PIK3C2G: variants seen among roughly 807,000 people sequenced by gnomAD.
PIK3C2G encodes phosphatidylinositol-4-phosphate 3-kinase catalytic subunit type 2 gamma, also known as phosphatidylinositol 3-kinase C2 domain-containing subunit gamma.
PIK3C2G carries 168 observed loss-of-function variants against 181.1 expected under a neutral mutation model. That is an observed-to-expected ratio of 0.93 (90% CI 0.82 to 1.05). The LOEUF is 1.05. Among genes scored for constraint, PIK3C2G ranks in the 50% least tolerant of loss-of-function variants. PIK3C2G has a pLI of 0.00. For missense variants in PIK3C2G, 1,869 were observed against 1,732.8 expected (o/e 1.08, Z -1.40); for synonymous variants, 573 against 592.2 (o/e 0.97, Z 0.47).
intron 26 of PIK3C2G, among the ~76,000 whole-genome samples, chr12:18,549,556 C>T (rs183954377): frequency 3.9e-5 from 6 of 152,054 alleles, no homozygotes; most frequent in Non-Finnish European, 5.9e-5. Flanking sequence ...TACCAGAGAA[C>T]GTTCTCTATG....
intron 5 of PIK3C2G, among the ~76,000 whole-genome samples, chr12:18,305,281 T>G (rs929297457): frequency 6.6e-6 from 1 of 152,130 alleles, no homozygotes; most frequent in African/African-American, 2.4e-5. Flanking sequence ...CTAAATAAAG[T>G]TTGTTTATTA....
chr12:18,635,349 A>C (rs564156394), intron 31 of PIK3C2G, among the ~76,000 whole-genome samples: 13 of 152,310 alleles, frequency 8.5e-5, no homozygotes, highest in Admixed American at 3.3e-4. Flanking sequence ...ACACGCCATC[A>C]AGGCCAGTTC....
the PIK3C2G span, chr12:18,699,682 T>C: frequency 1.7e-6 from 2 of 1,183,120 alleles, no homozygotes; most frequent in Non-Finnish European, 2.5e-6. Flanking sequence ...GTTAAATGTG[T>C]TGAAATTTTA....
At chr12:18,710,794 C>T in the PIK3C2G span, among the ~76,000 whole-genome samples, 1 of 152,142 alleles carries the variant, frequency 6.6e-6, no homozygotes. Context: ...TGCTCATCAT[C>T]ACTGGCCGTC....
rs564612800 is a variant in PIK3C2G, at chr12:18,382,384, AAAAG to A, written c.1995+509_1995+512del. On this transcript the variant is annotated intron_variant, in intron 14 of 32. Transcript: ENST00000538779. ...TCTACTCTGTGTGATTAGTGATCAT[AAAAG>A]AAAGGTGGTAAATGACTTCAGCCTT... is the stretch of plus-strand genomic sequence containing the variant. 1.3e-4 allele frequency among the ~76,000 whole-genome samples: 20 copies of A among 152,272 alleles called. No homozygotes were observed. The South Asian group carries it at 3.9e-3, about 30-fold the overall frequency.
chr12:18,720,238 G>T, the PIK3C2G span, among the ~76,000 whole-genome samples: 2 of 151,938 alleles, frequency 1.3e-5, no homozygotes, highest in South Asian at 4.2e-4. Flanking sequence ...GTATGACTAT[G>T]CCACAATTTA....
chr12:18,497,910 GATA>G (rs2136091491), intron 22 of PIK3C2G, among the ~76,000 whole-genome samples, 162 bp downstream of exon 22: 1 of 152,248 alleles, frequency 6.6e-6, no homozygotes, highest in South Asian at 2.1e-4. Flanking sequence ...TTTCAAAAAT[GATA>G]AGCCAACAGA....
At chr12:18,449,455 C>T (rs147122036) in intron 18 of PIK3C2G, among the ~76,000 whole-genome samples, 68 of 152,130 alleles carry the variant, frequency 4.5e-4, no homozygotes, top group African/African-American at 1.5e-3. Context: ...CTCCCCTTGC[C>T]TTGCACCCCA....
At chr12:18,694,391 AC>A in the PIK3C2G span, among the ~76,000 whole-genome samples, 1 of 152,222 alleles carries the variant, frequency 6.6e-6, no homozygotes, top group East Asian at 1.9e-4. Context: ...AAATTAACAG[AC>A]ACTGAAGACA....
At chr12:18,286,729 A>G in intron 2 of PIK3C2G, 118 bp from the exon 3 acceptor site, 1 of 591,880 alleles carries the variant, frequency 1.7e-6, no homozygotes, top group South Asian at 2.6e-5. Flanking sequence ...ATTTTTAAAA[A>G]ATCTAAAAAA....
At chr12:18,698,858 A>C in the PIK3C2G span, among the ~76,000 whole-genome samples, 1 of 152,120 alleles carries the variant, frequency 6.6e-6, no homozygotes, top group South Asian at 2.1e-4. Context: ...GCACTATCAA[A>C]TACTATGTCT....
rs372267162 is a variant in PIK3C2G at position 18,399,908 on chromosome 12, A to G, written c.2315+61A>G. 5.3e-5 allele frequency: 51 copies of G among 970,576 alleles called. No individual in the cohort carries two copies. The African/African-American group carries it at 7.3e-4, about 14-fold the overall frequency. 60.1% of individuals were successfully genotyped at this position (970,576 alleles called of 1,614,324 possible). A position where few individuals can be genotyped will look rare whatever the true frequency, so the allele number is the denominator to read the frequency against. On this transcript the variant is annotated intron_variant, in intron 16 of 32. Transcript: ENST00000538779. ...GAGAAGAACTTGCTTGAAGAGAACT[A>G]TAGAACCATATAATTAATTCAATAG...
At chr12:18,560,194 A>G (rs998271887) in intron 26 of PIK3C2G, among the ~76,000 whole-genome samples, 2 of 151,950 alleles carry the variant, frequency 1.3e-5, no homozygotes, top group Non-Finnish European at 2.9e-5. Flanking sequence ...ACCGTAAAAA[A>G]TCCTCTACTC....
the PIK3C2G span, among the ~76,000 whole-genome samples, chr12:18,680,013 T>G: frequency 1.3e-5 from 2 of 151,996 alleles, no homozygotes; most frequent in African/African-American, 4.8e-5. Context: ...TGCTCAAATT[T>G]TATGGCCTAA....
At chr12:18,543,686 G>T (rs1314748541) in intron 25 of PIK3C2G, among the ~76,000 whole-genome samples, 1 of 151,896 alleles carries the variant, frequency 6.6e-6, no homozygotes, top group Non-Finnish European at 1.5e-5. Flanking sequence ...CTTAGTAAAA[G>T]ATCAGATGAT....
At chr12:18,538,042 C>T (rs1170750089) in intron 24 of PIK3C2G, 114 bp from the exon 25 acceptor site, 20 of 913,606 alleles carry the variant, frequency 2.2e-5, no homozygotes, top group Non-Finnish European at 3.2e-5. Flanking sequence ...TTATCTATTA[C>T]AGTAGAGAAA....
intron 28 of PIK3C2G, among the ~76,000 whole-genome samples, chr12:18,564,373 A>G (rs1264376997): frequency 6.6e-6 from 1 of 151,486 alleles, no homozygotes; most frequent in Non-Finnish European, 1.5e-5. Context: ...TTTGTTAAGT[A>G]AAGTAAATGG....
intron 24 of PIK3C2G, among the ~76,000 whole-genome samples, chr12:18,518,132 T>C (rs376452531): frequency 1.2e-4 from 18 of 152,284 alleles, no homozygotes; most frequent in East Asian, 9.6e-4. Flanking sequence ...CTGGATTCGG[T>C]TTGCCAATAT....
At chr12:18,476,794 T>C (rs962241388) in intron 18 of PIK3C2G, among the ~76,000 whole-genome samples, 1 of 151,590 alleles carries the variant, frequency 6.6e-6, no homozygotes, top group African/African-American at 2.4e-5. Flanking sequence ...GATGATGAAA[T>C]CAGACATGTT....
Sources: allele counts gnomAD v4.1 joint callset (sites outside exome capture counted in the v4.1 genomes callset), GRCh38; gene constraint gnomAD v4.1.1; transcripts MANE v1.5; gene names NCBI Gene and HGNC (gene_info 2026-07-23, HGNC 2026-07-21).